ZBBX: variants seen among roughly 807,000 people sequenced by gnomAD.
ZBBX encodes zinc finger B-box domain-containing protein 1.
In ZBBX, 101 loss-of-function variants were observed where a neutral mutation model predicts 108.5. The observed-to-expected ratio is 0.93, with a 90% CI of 0.79 to 1.10. The LOEUF (loss-of-function observed/expected upper bound fraction) is 1.10. Among genes scored for constraint, ZBBX ranks in the 50% least tolerant of loss-of-function variants. The probability of loss-of-function intolerance (pLI) is 0.00; values close to 1 mark genes in which losing one functional copy is unlikely to be tolerated. For synonymous variants in ZBBX, 356 were observed against 323.4 expected, an observed-to-expected ratio of 1.10 and a Z score of -1.08; for missense variants, 1,009 against 941.4, an observed-to-expected ratio of 1.07 and a Z score of -0.94.
chr3:167,311,009 G>A lies in ZBBX; in HGVS notation c.1417+2965C>T, dbSNP rs181999140. Among the ~76,000 whole-genome samples, 398 of 152,048 alleles carry A rather than the reference G, an allele frequency of 2.6e-3. 1 individual carries two copies. The highest frequency in any genetic ancestry group is 3.4e-3 in the Non-Finnish European group (231 of 67,978). On this transcript the variant is annotated intron_variant, in intron 16 of 21. Transcript: ENST00000675490. ...GACCCAGGATAGTGAACACAATATC[G>A]AAGAAGAGCAAAGTCAGAAGACTTG...
the ZBBX span, among the ~76,000 whole-genome samples, chr3:167,199,270 T>C: frequency 4.0e-3 from 605 of 152,308 alleles, 2 homozygotes; most frequent in African/African-American, 0.014. Flanking sequence ...TCTCATCTTT[T>C]GTTGGTTGAG....
At chr3:167,299,291 A>G (rs1732211976) in intron 17 of ZBBX, among the ~76,000 whole-genome samples, 2 of 152,046 alleles carry the variant, frequency 1.3e-5, no homozygotes, top group African/African-American at 2.4e-5. Context: ...AATTTTTTAT[A>G]AATTTATAAA....
At chr3:167,406,370 G>A (rs1748586722) in intron 1 of ZBBX, among the ~76,000 whole-genome samples, 1 of 152,160 alleles carries the variant, frequency 6.6e-6, no homozygotes, top group Non-Finnish European at 1.5e-5. Context: ...GAACTTATGA[G>A]ATTAAACGGT....
At chr3:167,228,792 A>C in the ZBBX span, among the ~76,000 whole-genome samples, 2 of 151,770 alleles carry the variant, frequency 1.3e-5, no homozygotes, top group African/African-American at 4.8e-5. Flanking sequence ...CCCATCATTC[A>C]TTTTGCTGTG....
chr3:167,284,199 T>TATAC (rs1312582388), intron 19 of ZBBX, among the ~76,000 whole-genome samples: 1 of 150,324 alleles, frequency 6.7e-6, no homozygotes, highest in Admixed American at 6.6e-5. Context: ...TATCTATATA[T>TATAC]ATATATAATT....
At chr3:167,294,423 C>T (rs1731271605) in intron 18 of ZBBX, among the ~76,000 whole-genome samples, 2 of 152,080 alleles carry the variant, frequency 1.3e-5, no homozygotes, top group African/African-American at 4.8e-5. Flanking sequence ...CTTTGACAGA[C>T]ATGGCAAAAA....
At position 167,322,214 on chromosome 3, in the gene ZBBX, G is replaced by A. The variant is rs1232326439; in HGVS notation, c.886C>T (p.Gln296Ter). 2 of 1,475,340 alleles carry A rather than the reference G, an allele frequency of 1.4e-6. No individual in the cohort carries two copies. The highest frequency in any genetic ancestry group is 1.8e-4 in the Middle Eastern group (1 of 5,586). 91.4% of individuals were successfully genotyped at this position (1,475,340 alleles called of 1,614,324 possible). ...TCTCTCCAAATTTTCAGATTAGTCT[G>A]TACTTCGCATTCTTCCAATGAGTCT... is the stretch of plus-strand genomic sequence containing the variant. ...VKDSLEECEV[Q>*]TNLKIWREPL... The change falls in exon 12 of 22, where the codon CAG becomes TAG. Residue 296 changes from glutamine to a stop codon, truncating the protein, a stop_gained. Transcript: ENST00000675490. LOFTEE classifies it high-confidence loss of function.
chr3:167,234,032 T>C, the ZBBX span, among the ~76,000 whole-genome samples: 3 of 151,778 alleles, frequency 2.0e-5, no homozygotes, highest in African/African-American at 7.2e-5. Context: ...TCTTTCTTCA[T>C]ACTCCTTTCC....
the ZBBX span, among the ~76,000 whole-genome samples, chr3:167,209,300 G>A: frequency 2.6e-4 from 40 of 152,136 alleles, no homozygotes; most frequent in African/African-American, 9.4e-4. Flanking sequence ...TGCTGTGCTG[G>A]CTTCTGGCCT....
chr3:167,243,693 C>A (rs1332144146), intron 20 of ZBBX, among the ~76,000 whole-genome samples: 4 of 151,070 alleles, frequency 2.6e-5, no homozygotes, highest in South Asian at 4.2e-4. Flanking sequence ...AAATAAACCT[C>A]CTCCTGGTCA....
At chr3:167,335,846 A>C (rs1739454791) in intron 9 of ZBBX, among the ~76,000 whole-genome samples, 1 of 151,996 alleles carries the variant, frequency 6.6e-6, no homozygotes, top group African/African-American at 2.4e-5. Flanking sequence ...AATCTGTGGA[A>C]TCTGCTCCAA....
intron 19 of ZBBX, among the ~76,000 whole-genome samples, chr3:167,287,601 C>T (rs1729929878): frequency 6.6e-6 from 1 of 152,036 alleles, no homozygotes. Flanking sequence ...ACTGATCTGT[C>T]CAAATTGATA....
At chr3:167,380,022 C>T in intron 1 of ZBBX, among the ~76,000 whole-genome samples, 1 of 152,180 alleles carries the variant, frequency 6.6e-6, no homozygotes, top group Admixed American at 6.5e-5. Context: ...ACTCCTGAGG[C>T]CAGGGCCCCG....
chr3:167,230,485 T>A, the ZBBX span, among the ~76,000 whole-genome samples: 1 of 151,960 alleles, frequency 6.6e-6, no homozygotes, highest in African/African-American at 2.4e-5. Flanking sequence ...AAACAGTGAA[T>A]GTCTCCTTTA....
At chr3:167,323,348 G>A (rs977294145) in intron 11 of ZBBX, among the ~76,000 whole-genome samples, 2 of 151,668 alleles carry the variant, frequency 1.3e-5, no homozygotes, top group Non-Finnish European at 2.9e-5. Context: ...AGAGGAAGAA[G>A]ATAAAGCAGC....
intron 1 of ZBBX, among the ~76,000 whole-genome samples, chr3:167,391,712 T>C (rs1399954127): frequency 2.6e-5 from 4 of 151,838 alleles, no homozygotes; most frequent in Non-Finnish European, 5.9e-5. Context: ...AAGTCATCTT[T>C]CTTTTCATCA....
intron 10 of ZBBX, among the ~76,000 whole-genome samples, chr3:167,330,635 T>C (rs1225855310): frequency 6.6e-6 from 1 of 151,650 alleles, no homozygotes; most frequent in Non-Finnish European, 1.5e-5. Context: ...TATGCACTTG[T>C]GGTCCCAGTT....
the ZBBX span, among the ~76,000 whole-genome samples, chr3:167,224,617 G>A: frequency 6.6e-6 from 1 of 151,864 alleles, no homozygotes. Flanking sequence ...TGGAAAACAT[G>A]CCATCGTTAA....
the ZBBX span, among the ~76,000 whole-genome samples, chr3:167,191,497 TCTGTTCTC>T: frequency 6.6e-6 from 1 of 152,124 alleles, no homozygotes; most frequent in Non-Finnish European, 1.5e-5. Flanking sequence ...TGTTTCTGGT[TCTGTTCTC>T]CTGTTCTCCT....
Sources: allele counts gnomAD v4.1 joint callset (sites outside exome capture counted in the v4.1 genomes callset), GRCh38; gene constraint gnomAD v4.1.1; transcripts MANE v1.5; gene names NCBI Gene and HGNC (gene_info 2026-07-23, HGNC 2026-07-21).